SNAP23: variants seen among roughly 807,000 people sequenced by gnomAD.
SNAP23 encodes synaptosomal-associated protein 23.
In SNAP23, 11 loss-of-function variants were observed where a neutral mutation model predicts 29.0. That is an observed-to-expected ratio of 0.38 (90% CI 0.24 to 0.63). SNAP23 has a LOEUF of 0.63. Among genes scored for constraint, SNAP23 ranks in the 20% least tolerant of loss-of-function variants. The pLI, the probability that SNAP23 is intolerant of heterozygous loss-of-function variation, is 0.58. For synonymous variants in SNAP23, 60 were observed against 82.9 expected (o/e 0.72, Z 1.50); for missense variants, 220 against 253.9 (o/e 0.87, Z 0.91).
chr15:42,497,103 C>T (rs938124322), intron 1 of SNAP23, among the ~76,000 whole-genome samples: 13 of 149,846 alleles, frequency 8.7e-5, no homozygotes, highest in Non-Finnish European at 5.9e-5. Context: ...AGTGCAGTGG[C>T]GCGATCTTGG....
chr15:42,528,035 A>G (rs2057519849), intron 5 of SNAP23: 2 of 437,958 alleles, frequency 4.6e-6, no homozygotes, highest in South Asian at 8.6e-5. Flanking sequence ...TGGTAGAAGT[A>G]GTATTTGGAC....
intron 2 of SNAP23, 109 bp from the exon 3 acceptor site, chr15:42,512,846 G>T (rs780789023): frequency 2.6e-6 from 2 of 775,378 alleles, no homozygotes; most frequent in East Asian, 2.6e-5. Flanking sequence ...CACTGTGCCC[G>T]GCCTGAGCTG....
chr15:42,503,263 G>T (rs1567042354), intron 1 of SNAP23, among the ~76,000 whole-genome samples: 2 of 151,908 alleles, frequency 1.3e-5, no homozygotes, highest in Admixed American at 6.6e-5. Flanking sequence ...GTGCAGCGGT[G>T]CGATCTCGGC....
chr15:42,505,557 A>G (rs1479118086), intron 1 of SNAP23: 2 of 102,492 alleles, frequency 2.0e-5, no homozygotes, highest in East Asian at 5.8e-4. Flanking sequence ...TTCTGCTTGC[A>G]TTTTTTTTTT....
upstream of SNAP23, among the ~76,000 whole-genome samples, chr15:42,493,499 C>CA (rs1380257129): frequency 3.9e-5 from 6 of 152,040 alleles, no homozygotes; most frequent in African/African-American, 1.4e-4. Flanking sequence ...CCCCGGAGGA[C>CA]AAAATCGTCC....
At chr15:42,521,725 C>G in intron 5 of SNAP23, 1 of 757,336 alleles carries the variant, frequency 1.3e-6, no homozygotes, top group Non-Finnish European at 2.2e-6. Context: ...CTTCAAATGG[C>G]TTTTCTGTGC....
chr15:42,531,002 G>C (rs2057559743), intron 7 of SNAP23, among the ~76,000 whole-genome samples: 1 of 152,218 alleles, frequency 6.6e-6, no homozygotes, highest in South Asian at 2.1e-4. Context: ...CTCCAGGTTA[G>C]ACTTAGGGTG....
At chr15:42,491,901 T>TTTAGTTAGTTAG (rs11281244), upstream of SNAP23, among the ~76,000 whole-genome samples, 3,543 of 146,956 alleles carry the variant, frequency 0.024, 160 homozygotes, top group African/African-American at 0.084. Context: ...TATTTATTTA[T>TTTAGTTAGTTAG]TTAGTTAGTT....
chr15:42,527,544 C>T (rs1202039270), intron 5 of SNAP23, among the ~76,000 whole-genome samples: 2 of 152,044 alleles, frequency 1.3e-5, no homozygotes, highest in Non-Finnish European at 2.9e-5. Flanking sequence ...TGCCACCACA[C>T]CCAGCTAATG....
Position 42,529,240 on chromosome 15 carries a change from C to T in SNAP23, c.426-435C>T, listed in dbSNP as rs989833414. On this transcript the variant is annotated intron_variant, in intron 6 of 7. Transcript: ENST00000249647. Reference sequence around the variant, plus strand: ...TGGTGGCCAGATTTGGTCCTTGGGCCGTAGTTTTCCAACCTCTCTCTTAGG... The same window carrying T: ...TGGTGGCCAGATTTGGTCCTTGGGCTGTAGTTTTCCAACCTCTCTCTTAGG... Among the ~76,000 whole-genome samples the T allele has an allele frequency of 6.6e-5, 10 of 152,130 alleles. No homozygotes were observed. The South Asian group carries it at 1.0e-3, about 16-fold the overall frequency.
intron 5 of SNAP23, among the ~76,000 whole-genome samples, chr15:42,520,590 G>T (rs2057439448): frequency 6.6e-6 from 1 of 151,980 alleles, no homozygotes; most frequent in East Asian, 1.9e-4. Context: ...CGCCTCCCGG[G>T]TTCACGCCAT....
In SNAP23 at chr15:42,511,507, T is replaced by G. The variant is rs562157929; in HGVS notation, c.-14-326T>G. ...AACATTGAACAACCAAAAATTCACTTTAATAGTCTTTTAATGCTTGTCTTC... is the reference window on the plus strand; with the variant it reads ...AACATTGAACAACCAAAAATTCACTGTAATAGTCTTTTAATGCTTGTCTTC... On this transcript the variant is annotated intron_variant, in intron 1 of 7. Coordinates refer to ENST00000249647, the MANE Select transcript of SNAP23 (RefSeq NM_003825.4). 7.9e-5 allele frequency among the ~76,000 whole-genome samples: 12 copies of G among 152,288 alleles called. No homozygotes were observed. The South Asian group carries it at 2.3e-3, about 29-fold the overall frequency.
upstream of SNAP23, among the ~76,000 whole-genome samples, chr15:42,492,482 A>C (rs538341049): frequency 6.6e-6 from 1 of 151,990 alleles, no homozygotes; most frequent in South Asian, 2.1e-4. Context: ...GATCGAGACC[A>C]TCCTGGCCAA....
At chr15:42,527,969 A>T in intron 5 of SNAP23, 1 of 305,290 alleles carries the variant, frequency 3.3e-6, no homozygotes, top group Non-Finnish European at 6.2e-6. Flanking sequence ...AGGCTAAGGG[A>T]ACCTGAAAAA....
intron 5 of SNAP23, chr15:42,521,433 T>G (rs1193388204): frequency 1.0e-6 from 1 of 979,480 alleles, no homozygotes; most frequent in African/African-American, 1.8e-5. Flanking sequence ...TTTTCTTATT[T>G]TTCTTTTTAT....
intron 7 of SNAP23, among the ~76,000 whole-genome samples, chr15:42,530,430 C>T (rs1272140077): frequency 6.6e-6 from 1 of 152,034 alleles, no homozygotes; most frequent in African/African-American, 2.4e-5. Flanking sequence ...ATAGTGAAAG[C>T]GAAATTGTTT....
chr15:42,524,208 T>A (rs1472727586), intron 5 of SNAP23, among the ~76,000 whole-genome samples: 1 of 152,192 alleles, frequency 6.6e-6, no homozygotes, highest in African/African-American at 2.4e-5. Context: ...GAGTCTATAA[T>A]AGACTACCAG....
At chr15:42,511,800 C>A (rs2057359963) in intron 1 of SNAP23, 33 bp from the exon 2 acceptor site, 2 of 1,311,266 alleles carry the variant, frequency 1.5e-6, no homozygotes, top group African/African-American at 1.5e-5. Flanking sequence ...TATTCTTATA[C>A]AATATCCACA....
rs543964969 is a variant in SNAP23, at chr15:42,513,568, A to G, written c.148+121A>G. 8.7e-4 allele frequency: 661 copies of G among 761,606 alleles called. 17 individuals are homozygous for G. In the South Asian group the frequency reaches 9.8e-3, roughly 11 times the overall value. 47.2% of individuals were successfully genotyped at this position (761,606 alleles called of 1,614,324 possible). A position where few individuals can be genotyped will look rare whatever the true frequency, so the allele number is the denominator to read the frequency against. On this transcript the variant is annotated intron_variant, in intron 4 of 7. Transcript: ENST00000249647. Reference sequence around the variant, plus strand: ...CTTCCCTTTGTAAAATAAGAATGTTATGTTTACTTCTTGTCTTCTGATTTG... The same window carrying G: ...CTTCCCTTTGTAAAATAAGAATGTTGTGTTTACTTCTTGTCTTCTGATTTG...
Sources: allele counts gnomAD v4.1 joint callset (sites outside exome capture counted in the v4.1 genomes callset), GRCh38; gene constraint gnomAD v4.1.1; transcripts MANE v1.5; gene names NCBI Gene and HGNC (gene_info 2026-07-23, HGNC 2026-07-21).